Variants in GRID2 observed in about 807,000 individuals in gnomAD.
GRID2 encodes glutamate receptor ionotropic, delta-2.
In GRID2, 33 loss-of-function variants were observed where a neutral mutation model predicts 114.8. That is an observed-to-expected ratio of 0.29 (90% CI 0.22 to 0.38). The LOEUF (loss-of-function observed/expected upper bound fraction) is 0.38, where lower values mean the gene tolerates loss of function less well. Ranked by LOEUF, GRID2 falls within the 10% of genes least tolerant of loss-of-function variation. The probability of loss-of-function intolerance (pLI) is 1.00; values close to 1 mark genes in which losing one functional copy is unlikely to be tolerated. For missense variants in GRID2, 1,184 were observed against 1,257.7 expected, an observed-to-expected ratio of 0.94 and a Z score of 0.89; for synonymous variants, 505 against 449.9, an observed-to-expected ratio of 1.12 and a Z score of -1.55.
intron 1 of GRID2, among the ~76,000 whole-genome samples, chr4:92,368,845 A>G (rs1469391762): frequency 3.3e-5 from 5 of 152,014 alleles, no homozygotes. Context: ...TAATGTGAAC[A>G]ATTCCTAGGC....
rs548009291 is a variant in GRID2 at position 92,497,591 on chromosome 4, T to A, written c.89-92540T>A. Reference sequence around the variant, plus strand: ...GAAAGGCTTTACATGTAAGACATCTTAAAATCTAGCTAAGAATTTTCTGAG... The same window carrying A: ...GAAAGGCTTTACATGTAAGACATCTAAAAATCTAGCTAAGAATTTTCTGAG... On this transcript the variant is annotated intron_variant, in intron 1 of 15. Coordinates refer to ENST00000282020, the MANE Select transcript of GRID2 (RefSeq NM_001510.4). Among the ~76,000 whole-genome samples the A allele has an allele frequency of 2.5e-3, 380 of 152,040 alleles. 5 individuals are homozygous for A. The highest frequency in any genetic ancestry group is 0.024 in the Middle Eastern group (7 of 294).
intron 1 of GRID2, among the ~76,000 whole-genome samples, chr4:92,424,475 G>C (rs1384983414): frequency 6.6e-6 from 1 of 151,878 alleles, no homozygotes; most frequent in Non-Finnish European, 1.5e-5. Flanking sequence ...TTGGGAGTGA[G>C]AAATATTTTG....
chr4:93,216,081 G>C (rs1744173895), intron 5 of GRID2, among the ~76,000 whole-genome samples: 1 of 151,798 alleles, frequency 6.6e-6, no homozygotes, highest in Admixed American at 6.6e-5. Context: ...AGAGCACTGG[G>C]TTTCTCTCTC....
chr4:92,827,791 CTA>C (rs769723699), intron 2 of GRID2, among the ~76,000 whole-genome samples: 3 of 151,968 alleles, frequency 2.0e-5, no homozygotes, highest in African/African-American at 4.8e-5. Flanking sequence ...TAAAATAAAT[CTA>C]GTTTGCTATT....
chr4:93,086,974 TA>T, intron 3 of GRID2, among the ~76,000 whole-genome samples: 1 of 152,090 alleles, frequency 6.6e-6, no homozygotes, highest in Admixed American at 6.5e-5. Flanking sequence ...ACAGTAACTT[TA>T]TTTAAGCGGG....
intron 2 of GRID2, among the ~76,000 whole-genome samples, chr4:92,894,476 T>A (rs1426979476): frequency 6.6e-6 from 1 of 152,044 alleles, no homozygotes; most frequent in Admixed American, 6.6e-5. Flanking sequence ...TGTTAAAAAA[T>A]AAATAAATAA....
At chr4:93,043,918 A>AAT (rs951963119) in intron 2 of GRID2, among the ~76,000 whole-genome samples, 136 of 150,828 alleles carry the variant, frequency 9.0e-4, no homozygotes, top group African/African-American at 2.6e-3. Flanking sequence ...TATAATTAAA[A>AAT]ATATATATAT....
intron 13 of GRID2, among the ~76,000 whole-genome samples, chr4:93,560,251 A>AAAAC (rs1734790467): frequency 7.1e-6 from 1 of 140,776 alleles, no homozygotes; most frequent in Non-Finnish European, 1.6e-5. Context: ...AAAAAAAAAA[A>AAAAC]AACAGAAAGA....
At chr4:93,246,415 G>C (rs1416914998) in intron 8 of GRID2, among the ~76,000 whole-genome samples, 1 of 151,666 alleles carries the variant, frequency 6.6e-6, no homozygotes, top group Non-Finnish European at 1.5e-5. Flanking sequence ...GTGAAACCTC[G>C]CCTCTACTAA....
chr4:93,399,872 G>A (rs1191026226), intron 9 of GRID2, among the ~76,000 whole-genome samples: 2 of 152,080 alleles, frequency 1.3e-5, no homozygotes, highest in African/African-American at 4.8e-5. Flanking sequence ...AGGCAGTGAA[G>A]CCCTCAGTGA....
chr4:92,503,410 C>T (rs975051201), intron 1 of GRID2, among the ~76,000 whole-genome samples: 1 of 152,092 alleles, frequency 6.6e-6, no homozygotes, highest in African/African-American at 2.4e-5. Context: ...ACAATGAAAT[C>T]ATCCAATCCA....
intron 14 of GRID2, among the ~76,000 whole-genome samples, chr4:93,751,889 G>T (rs1400067282): frequency 6.6e-6 from 1 of 151,832 alleles, no homozygotes; most frequent in African/African-American, 2.4e-5. Flanking sequence ...TTCCACAACT[G>T]CCTGCTTTCT....
intron 1 of GRID2, among the ~76,000 whole-genome samples, chr4:92,490,782 GATTCTCCTCAA>G (rs1380351686): frequency 1.3e-5 from 2 of 152,086 alleles, no homozygotes; most frequent in African/African-American, 4.8e-5. Flanking sequence ...ATCTGGGGAT[GATTCTCCTCAA>G]ATTCTCCTCA....
At chr4:92,995,073 A>G (rs1202005529) in intron 2 of GRID2, among the ~76,000 whole-genome samples, 1 of 152,174 alleles carries the variant, frequency 6.6e-6, no homozygotes, top group Non-Finnish European at 1.5e-5. Context: ...TGCCTTTCTC[A>G]CAAGTTCTAT....
At chr4:92,592,847 G>A (rs1034060802) in intron 2 of GRID2, among the ~76,000 whole-genome samples, 2 of 151,432 alleles carry the variant, frequency 1.3e-5, no homozygotes, top group South Asian at 2.1e-4. Context: ...ACGGTGGCTT[G>A]AAAAAAATAA....
At chr4:92,956,074 C>G (rs1470360010) in intron 2 of GRID2, among the ~76,000 whole-genome samples, 1 of 152,120 alleles carries the variant, frequency 6.6e-6, no homozygotes. Context: ...AAAACAAAAA[C>G]AATTTTTGGA....
chr4:92,834,326 C>A (rs559956223), intron 2 of GRID2, among the ~76,000 whole-genome samples: 168 of 152,074 alleles, frequency 1.1e-3, no homozygotes, highest in Admixed American at 3.1e-3. Context: ...GATAATAAAA[C>A]CATTTTTCAC....
intron 1 of GRID2, among the ~76,000 whole-genome samples, chr4:92,326,450 A>G (rs974689136): frequency 2.0e-5 from 3 of 151,920 alleles, no homozygotes; most frequent in Non-Finnish European, 4.4e-5. Flanking sequence ...CATGAATGTA[A>G]TAAATAAATA....
intron 1 of GRID2, among the ~76,000 whole-genome samples, chr4:92,482,923 C>A (rs762277544): frequency 2.0e-5 from 3 of 152,160 alleles, no homozygotes; most frequent in African/African-American, 7.2e-5. Flanking sequence ...ATAGCAACAT[C>A]TGTGAACTAT....
Sources: gnomAD v4.1 joint callset for allele counts (sites outside exome capture counted in the v4.1 genomes callset) on GRCh38, gnomAD v4.1.1 for gene constraint, MANE v1.5 for transcripts, NCBI Gene and HGNC (gene_info 2026-07-23, HGNC 2026-07-21) for gene names.